The following ANKIB1 variants were observed in gnomAD, a reference collection of about 807,000 sequenced individuals.
ANKIB1 encodes ankyrin repeat and IBR domain containing 1, also known as ankyrin repeat and IBR domain-containing protein 1.
ANKIB1 carries 43 observed loss-of-function variants against 122.1 expected under a neutral mutation model. The observed-to-expected ratio is 0.35, with a 90% confidence interval of 0.28 to 0.45. ANKIB1 has a LOEUF of 0.45. Among genes scored for constraint, ANKIB1 ranks in the 20% least tolerant of loss-of-function variants. The pLI is 1.00. For synonymous variants in ANKIB1, 390 were observed against 442.0 expected, an observed-to-expected ratio of 0.88 and a Z score of 1.48; for missense variants, 992 against 1,329.5, an observed-to-expected ratio of 0.75 and a Z score of 3.95.
At chr7:92,339,427 A>G (rs1355604876) in intron 5 of ANKIB1, among the ~76,000 whole-genome samples, 1 of 152,064 alleles carries the variant, frequency 6.6e-6, no homozygotes, top group Non-Finnish European at 1.5e-5. Flanking sequence ...GTTTCTCCCA[A>G]TGTTATTAGT....
At chr7:92,248,721 T>C (rs901756112) in intron 1 of ANKIB1, among the ~76,000 whole-genome samples, 1 of 152,178 alleles carries the variant, frequency 6.6e-6, no homozygotes, top group Non-Finnish European at 1.5e-5. Context: ...GAGACCAGTC[T>C]GTGGGAGTTT....
At chr7:92,283,880 C>T (rs868663917) in intron 1 of ANKIB1, among the ~76,000 whole-genome samples, 36 of 152,182 alleles carry the variant, frequency 2.4e-4, no homozygotes, top group African/African-American at 8.4e-4. Flanking sequence ...AAGTCATCCT[C>T]CTGCCTCTGC....
Position 92,334,357 on chromosome 7 carries a change from A to G in ANKIB1, c.787+6457A>G, listed in dbSNP as rs569932382. 7.2e-5 allele frequency among the ~76,000 whole-genome samples: 11 copies of G among 152,054 alleles called. No homozygotes were observed. The South Asian group carries it at 8.3e-4, about 11-fold the overall frequency. ...CAAGAATTCCTGATTCCAAGGGATA[A>G]TCTTTGTACTATGTCCCATTGCTAA... On this transcript the variant is annotated intron_variant, in intron 5 of 19. Transcript: ENST00000265742.
At chr7:92,277,693 T>G (rs1801932082) in intron 1 of ANKIB1, among the ~76,000 whole-genome samples, 1 of 152,132 alleles carries the variant, frequency 6.6e-6, no homozygotes, top group Non-Finnish European at 1.5e-5. Flanking sequence ...ATACCTGTAA[T>G]CCCAGCAGTT....
chr7:92,290,109 GC>G lies in ANKIB1; in HGVS notation c.-90-4777del, dbSNP rs1231502546. Among the ~76,000 whole-genome samples, 5 of 152,328 alleles carry G rather than the reference GC, an allele frequency of 3.3e-5. No homozygotes were observed. The South Asian group carries it at 1.0e-3, about 32-fold the overall frequency. On this transcript the variant is annotated intron_variant, in intron 1 of 19. Transcript: ENST00000265742. The stretch of plus-strand genomic sequence containing the variant: ...TGGAATTACAGGCGTAAGCCACTGT[GC>G]CCAGCCCATCCTCTCCTTTTCTTGA...
chr7:92,331,312 G>A (rs1345353872), intron 5 of ANKIB1, among the ~76,000 whole-genome samples: 1 of 147,824 alleles, frequency 6.8e-6, no homozygotes, highest in Non-Finnish European at 1.5e-5. Flanking sequence ...TGTCAACCCA[G>A]GCTGGAGTGC....
intron 8 of ANKIB1, among the ~76,000 whole-genome samples, chr7:92,351,886 A>G (rs1018870921): frequency 1.3e-5 from 2 of 151,788 alleles, no homozygotes; most frequent in African/African-American, 4.8e-5. Context: ...ACTCCCGGCT[A>G]ATTTTTGTAT....
intron 2 of ANKIB1, among the ~76,000 whole-genome samples, chr7:92,300,636 A>G (rs1021359761): frequency 6.6e-6 from 1 of 152,118 alleles, no homozygotes; most frequent in Non-Finnish European, 1.5e-5. Context: ...ATATATATAT[A>G]CATTGTGAAC....
chr7:92,397,485 C>CA lies in ANKIB1; in HGVS notation c.2396-224dup, dbSNP rs369628548. Among the ~76,000 whole-genome samples, 127 of 111,382 alleles carry CA rather than the reference C, an allele frequency of 1.1e-3. 1 individual carries two copies. The highest frequency in any genetic ancestry group is 1.7e-3 in the East Asian group (7 of 4,094). 73.1% of individuals were successfully genotyped at this position (111,382 alleles called of 152,430 possible). On this transcript the variant is annotated intron_variant, in intron 18 of 19. Coordinates refer to ENST00000265742, the MANE Select transcript of ANKIB1 (RefSeq NM_019004.2). ...AGGTCGACAAAGCAAGACTCCATCTCAAAAAAAAAAAAAAGTAAAAAGTTA... is the reference window on the plus strand; with the variant it reads ...AGGTCGACAAAGCAAGACTCCATCTCAAAAAAAAAAAAAAAGTAAAAAGTTA...
intron 1 of ANKIB1, among the ~76,000 whole-genome samples, chr7:92,250,902 A>T (rs1459083562): frequency 6.6e-6 from 1 of 152,158 alleles, no homozygotes; most frequent in Non-Finnish European, 1.5e-5. Flanking sequence ...TTTTTAACCA[A>T]AAACTGTTAG....
intron 5 of ANKIB1, among the ~76,000 whole-genome samples, chr7:92,332,974 A>T (rs754841514): frequency 1.3e-5 from 2 of 152,168 alleles, no homozygotes; most frequent in African/African-American, 4.8e-5. Context: ...AACTCCATAG[A>T]TGGCAGCACC....
chr7:92,279,855 A>G (rs1296291750), intron 1 of ANKIB1, among the ~76,000 whole-genome samples: 1 of 152,156 alleles, frequency 6.6e-6, no homozygotes, highest in Non-Finnish European at 1.5e-5. Context: ...AAATTGACCC[A>G]CTCAAAAAAC....
chr7:92,303,415 G>A (rs953968314), intron 2 of ANKIB1, among the ~76,000 whole-genome samples: 1 of 152,134 alleles, frequency 6.6e-6, no homozygotes, highest in Non-Finnish European at 1.5e-5. Flanking sequence ...CCCTTTGAGG[G>A]AAACCTGTGA....
At chr7:92,258,963 GTTTT>G (rs922209518) in intron 1 of ANKIB1, among the ~76,000 whole-genome samples, 1 of 150,484 alleles carries the variant, frequency 6.6e-6, no homozygotes, top group Admixed American at 6.6e-5. Flanking sequence ...GTTTTGTTTT[GTTTT>G]TTTTGAGACA....
chr7:92,358,079 A>G (rs1385743814), intron 9 of ANKIB1, among the ~76,000 whole-genome samples: 1 of 152,122 alleles, frequency 6.6e-6, no homozygotes, highest in Non-Finnish European at 1.5e-5. Context: ...CGTCTCTACT[A>G]AAAATACAAA....
In ANKIB1 at chr7:92,269,791, C is replaced by CT. The variant is rs569569042; in HGVS notation, c.-91+23283dup. Among the ~76,000 whole-genome samples, 357 of 147,876 alleles carry CT rather than the reference C, an allele frequency of 2.4e-3. 1 individual carries two copies. Among genetic ancestry groups the CT allele is most frequent in the South Asian group, 9.1e-3 (42 of 4,624 alleles). ...AACTATCCGTAATACAGTTTCTGGT[C>CT]TTTTTTTTTTTAAAAAAAATTATAC... is the stretch of plus-strand genomic sequence containing the variant. On this transcript the variant is annotated intron_variant, in intron 1 of 19. Transcript: ENST00000265742.
At chr7:92,346,276 A>G (rs565417684) in intron 7 of ANKIB1, among the ~76,000 whole-genome samples, 1 of 152,134 alleles carries the variant, frequency 6.6e-6, no homozygotes, top group South Asian at 2.1e-4. Flanking sequence ...GACTATAGGC[A>G]CACACCACCA....
At chr7:92,279,480 G>C (rs1459035589) in intron 1 of ANKIB1, among the ~76,000 whole-genome samples, 1 of 152,166 alleles carries the variant, frequency 6.6e-6, no homozygotes, top group Non-Finnish European at 1.5e-5. Context: ...TTTCCTGTGG[G>C]CATTTGGATG....
chr7:92,356,636 C>T (rs1032278232), intron 9 of ANKIB1, among the ~76,000 whole-genome samples: 3 of 152,214 alleles, frequency 2.0e-5, no homozygotes, highest in African/African-American at 7.2e-5. Context: ...CTAACTAGCT[C>T]TGTGGCTTGG....
Sources: allele counts gnomAD v4.1 joint callset (sites outside exome capture counted in the v4.1 genomes callset), GRCh38; gene constraint gnomAD v4.1.1; transcripts MANE v1.5; gene names NCBI Gene and HGNC (gene_info 2026-07-23, HGNC 2026-07-21).